RALGAPA2: variants seen among roughly 807,000 people sequenced by gnomAD.
The protein encoded by RALGAPA2 is ral GTPase-activating protein subunit alpha-2.
In RALGAPA2, 139 loss-of-function variants were observed where a neutral mutation model predicts 230.4. The ratio of observed to expected loss-of-function variants is 0.60; its 90% CI spans 0.53 to 0.69. RALGAPA2 has a LOEUF of 0.69. Ranked by LOEUF, RALGAPA2 falls within the 30% of genes least tolerant of loss-of-function variation. RALGAPA2 has a pLI of 0.00. For synonymous variants in RALGAPA2, 847 were observed against 837.8 expected (o/e 1.01, Z -0.19); for missense variants, 2,163 against 2,276.0 (o/e 0.95, Z 1.01).
At chr20:20,422,777 A>T (rs967333614) in intron 37 of RALGAPA2, among the ~76,000 whole-genome samples, 1 of 152,178 alleles carries the variant, frequency 6.6e-6, no homozygotes, top group African/African-American at 2.4e-5. Flanking sequence ...ATGTGCCGCG[A>T]CTGTTCTAGC....
intron 37 of RALGAPA2, among the ~76,000 whole-genome samples, chr20:20,442,642 A>G (rs1454285101): frequency 6.6e-6 from 1 of 152,254 alleles, no homozygotes; most frequent in Non-Finnish European, 1.5e-5. Flanking sequence ...CCTAAAGCAG[A>G]CTGGTATTAC....
At chr20:20,413,739 T>C (rs1352590164) in intron 37 of RALGAPA2, among the ~76,000 whole-genome samples, 1 of 152,234 alleles carries the variant, frequency 6.6e-6, no homozygotes, top group Non-Finnish European at 1.5e-5. Context: ...AAAATGTGTT[T>C]GAAGATTTCC....
chr20:20,395,631 C>A (rs1021585902), intron 39 of RALGAPA2, among the ~76,000 whole-genome samples: 2 of 152,204 alleles, frequency 1.3e-5, no homozygotes, highest in Middle Eastern at 3.4e-3. Flanking sequence ...GGGGCTGACA[C>A]GAGTGAGCCC....
intron 9 of RALGAPA2, among the ~76,000 whole-genome samples, chr20:20,632,816 G>A (rs2066721574): frequency 6.6e-6 from 1 of 152,120 alleles, no homozygotes; most frequent in Non-Finnish European, 1.5e-5. Context: ...ATTTTTCAGT[G>A]GGGTTGTTTG....
intron 20 of RALGAPA2, 132 bp downstream of exon 20, chr20:20,582,918 G>T: frequency 1.1e-6 from 1 of 895,494 alleles, no homozygotes; most frequent in Non-Finnish European, 1.7e-6. Flanking sequence ...CTCCTATGGT[G>T]GACAGTGGTC....
At chr20:20,428,275 T>G (rs1272223203) in intron 37 of RALGAPA2, among the ~76,000 whole-genome samples, 1 of 152,198 alleles carries the variant, frequency 6.6e-6, no homozygotes, top group Admixed American at 6.5e-5. Flanking sequence ...CACAATTCTC[T>G]GGGACTTTCC....
In RALGAPA2 at chr20:20,392,982, TTTC is replaced by T; in HGVS notation, c.*304_*306del. ...GTTCATCTCTGGTTTTTGGTGACTT[TTTC>T]TTTTCTTCTTTGGAAGTCCAAGGTT... On this transcript the variant is annotated 3_prime_UTR_variant, in exon 40 of 40. Transcript: ENST00000202677. The T allele has an allele frequency of 9.4e-7, 1 of 1,066,710 alleles. No individual in the cohort carries two copies. The highest frequency in any genetic ancestry group is 1.5e-5 in the South Asian group (1 of 66,440). The allele number at this position is 1,066,710 out of a possible 1,614,324, so 66.1% of individuals were successfully genotyped here.
intron 2 of RALGAPA2, 102 bp from the exon 3 acceptor site, chr20:20,676,390 C>G (rs1416132466): frequency 1.4e-6 from 1 of 715,790 alleles, no homozygotes; most frequent in East Asian, 3.0e-5. Context: ...CCTCAACATA[C>G]ATTCATTTAT....
intron 27 of RALGAPA2, among the ~76,000 whole-genome samples, chr20:20,530,768 G>C (rs983143329): frequency 4.6e-5 from 7 of 152,140 alleles, no homozygotes; most frequent in Non-Finnish European, 8.8e-5. Flanking sequence ...TCATTCTAGA[G>C]CCTTGAACAA....
chr20:20,706,219 T>C (rs1232612461), intron 1 of RALGAPA2, among the ~76,000 whole-genome samples: 1 of 152,210 alleles, frequency 6.6e-6, no homozygotes. Context: ...ATTTACCCTG[T>C]GTTCACTTTT....
In RALGAPA2 at chr20:20,513,029, G is replaced by T. The variant is rs144774846; in HGVS notation, c.4340C>A (p.Pro1447Gln). 1.2e-5 allele frequency: 19 copies of T among 1,613,316 alleles called. No homozygotes were observed. Among genetic ancestry groups the T allele is most frequent in the Non-Finnish European group, 1.4e-5 (17 of 1,179,600 alleles). The change falls in exon 32 of 40, where the codon CCG (proline) becomes CAG (glutamine). Residue 1447 changes from proline to glutamine, a missense_variant. Transcript: ENST00000202677. The stretch of plus-strand genomic sequence containing the variant: ...AGAGCCCACTGGTGATCCCCCTACC[G>T]GTCCTTCTGTGGGTGTCTGAAGGTA... The part of the protein sequence containing the change: ...ISYLQTPTEG[P>Q]VGGSPVGSLS...
chr20:20,646,170 C>T (rs1298315323), intron 4 of RALGAPA2, among the ~76,000 whole-genome samples: 2 of 151,854 alleles, frequency 1.3e-5, no homozygotes, highest in African/African-American at 4.8e-5. Context: ...TTCTTGTTCC[C>T]CAGCCTCCTG....
chr20:20,542,958 T>G (rs1026497770), intron 24 of RALGAPA2, among the ~76,000 whole-genome samples: 5 of 152,140 alleles, frequency 3.3e-5, no homozygotes, highest in Non-Finnish European at 5.9e-5. Flanking sequence ...GAAACTATCA[T>G]TGGAGTGAAC....
At chr20:20,453,899 T>C (rs2061046680) in intron 37 of RALGAPA2, among the ~76,000 whole-genome samples, 2 of 152,230 alleles carry the variant, frequency 1.3e-5, no homozygotes, top group Admixed American at 6.5e-5. Flanking sequence ...ATGAATGAGA[T>C]TATCAGATTA....
chr20:20,701,736 T>C (rs1173115481), intron 1 of RALGAPA2, among the ~76,000 whole-genome samples: 1 of 119,926 alleles, frequency 8.3e-6, no homozygotes, highest in Admixed American at 8.4e-5. Flanking sequence ...TCTCAAAGAA[T>C]AAATAAATAA....
intron 4 of RALGAPA2, 38 bp downstream of exon 4, chr20:20,653,492 G>T: frequency 8.9e-7 from 1 of 1,126,226 alleles, no homozygotes; most frequent in South Asian, 1.4e-5. Context: ...TCAACTGGAA[G>T]AAATTCATAT....
At position 20,512,796 on chromosome 20, in the gene RALGAPA2, C is replaced by G. The variant is rs1176474805; in HGVS notation, c.4573G>C (p.Glu1525Gln). 12 of 1,613,836 alleles carry G rather than the reference C, an allele frequency of 7.4e-6. No individual in the cohort carries two copies. Among genetic ancestry groups the G allele is most frequent in the Non-Finnish European group, 1.0e-5 (12 of 1,179,770 alleles). ...EGDDVLDKLL[E>Q]NIGHTSPECL... Reference sequence around the variant, plus strand: ...TCAGGACTTGTATGGCCAATGTTTTCAAGTAATTTGTCAAGAACATCATCC... The same window carrying G: ...TCAGGACTTGTATGGCCAATGTTTTGAAGTAATTTGTCAAGAACATCATCC... Residue 1525 changes from glutamate to glutamine, a missense_variant, in exon 32 of 40, where the codon GAA (glutamate) becomes CAA (glutamine). Glu to Gln is a conservative substitution (Grantham distance 29). Transcript: ENST00000202677.
chr20:20,506,422 G>A (rs1296008106), intron 33 of RALGAPA2, among the ~76,000 whole-genome samples: 1 of 152,140 alleles, frequency 6.6e-6, no homozygotes, highest in Non-Finnish European at 1.5e-5. Flanking sequence ...CTGGAGTAAA[G>A]CGACAAAATA....
Position 20,512,845 on chromosome 20 carries a change from T to C in RALGAPA2, c.4524A>G (p.Lys1508=), listed in dbSNP as rs1440061438. 2 of 1,613,410 alleles carry C rather than the reference T, an allele frequency of 1.2e-6. No homozygotes were observed. The highest frequency in any genetic ancestry group is 2.7e-5 in the African/African-American group (2 of 74,916). The change falls in exon 32 of 40, where the codon AAA becomes AAG. Residue 1508 remains lysine, a synonymous_variant. Transcript: ENST00000202677. ...CCCCCTCCTCAACTTGAGAAGAGTC[T>C]TTCTGAGGTCCAAATGTGTCACGAT... is the stretch of plus-strand genomic sequence containing the variant. The part of the protein sequence containing the change: ...SWHRDTFGPQ[K]DSSQVEEGDD...
Sources: allele counts gnomAD v4.1 joint callset (sites outside exome capture counted in the v4.1 genomes callset), GRCh38; gene constraint gnomAD v4.1.1; transcripts MANE v1.5; gene names NCBI Gene and HGNC (gene_info 2026-07-23, HGNC 2026-07-21).